The following WFIKKN2 variants were observed in gnomAD, a reference collection of about 807,000 sequenced individuals.
WFIKKN2 encodes WAP, follistatin/kazal, immunoglobulin, kunitz and netrin domain containing 2.
A neutral mutation model predicts 39.2 loss-of-function variants in WFIKKN2; 25 were observed. That is an observed-to-expected ratio of 0.64 (90% CI 0.47 to 0.89). WFIKKN2 has a LOEUF of 0.89. Ranked by LOEUF, WFIKKN2 falls within the 40% of genes least tolerant of loss-of-function variation. WFIKKN2 has a pLI of 0.00. For missense variants in WFIKKN2, 770 were observed against 811.7 expected, an observed-to-expected ratio of 0.95 and a Z score of 0.62; for synonymous variants, 345 against 329.7, an observed-to-expected ratio of 1.05 and a Z score of -0.50.
chr17:50,835,431 C>T (rs151120367), upstream of WFIKKN2: 668 of 154,222 alleles, frequency 4.3e-3, 6 homozygotes, highest in African/African-American at 0.015. Flanking sequence ...CCCCGCAAAG[C>T]ACATGCCATT....
chr17:50,839,848 C>T lies in WFIKKN2; in HGVS notation c.560C>T (p.Pro187Leu). 1 of 1,614,210 alleles carries T rather than the reference C, an allele frequency of 6.2e-7. No homozygotes were observed. Among genetic ancestry groups the T allele is most frequent in the East Asian group, 2.2e-5 (1 of 44,876 alleles). The change falls in exon 2 of 2, where the codon CCA (proline) becomes CTA (leucine). Residue 187 changes from proline (P) to leucine (L), a missense_variant. Physicochemically the swap from Pro to Leu is moderately conservative, Grantham distance 98 (BLOSUM62 -3). Transcript: ENST00000311378. ...TTCACCTGGCCCAACACCAGCCCCC[C>T]ACCACCTGAGACCACCATGCACCCC... ...YHFTWPNTSP[P>L]PPETTMHPTT...
Position 50,839,982 on chromosome 17 carries a change from G to A in WFIKKN2, c.694G>A (p.Asp232Asn), listed in dbSNP as rs770248381. 5 of 1,614,170 alleles carry A rather than the reference G, an allele frequency of 3.1e-6. No homozygotes were observed. The East Asian group carries it at 8.9e-5, about 29-fold the overall frequency. The change falls in exon 2 of 2, where the codon GAT (aspartate) becomes AAT (asparagine). Residue 232 changes from aspartate to asparagine, a missense_variant. By Grantham distance (23) the Asp-to-Asn change is conservative (BLOSUM62 1). Transcript: ENST00000311378. ...GGGTGAGACAGTGAGCTTCCTCTGT[G>A]ATGTGGTGGGCCGGCCCCGGCCTGA... ...TMGETVSFLC[D>N]VVGRPRPEIT...
In WFIKKN2 at chr17:50,836,096, C is replaced by T. The variant is rs1971953400; in HGVS notation, c.159C>T (p.Asn53=). 1.2e-6 allele frequency: 2 copies of T among 1,612,796 alleles called. No homozygotes were observed. Among genetic ancestry groups the T allele is most frequent in the Non-Finnish European group, 1.7e-6 (2 of 1,179,476 alleles). The change falls in exon 1 of 2, where the codon AAC becomes AAT. Residue 53 remains asparagine (N), a synonymous_variant. Coordinates refer to ENST00000311378, the MANE Select transcript of WFIKKN2 (RefSeq NM_175575.6). ...AGICPNDMNP[N]LWVDAQSTCR... is the part of the protein sequence containing the mutation. ...TCTGCCCCAACGACATGAATCCCAACCTCTGGGTGGACGCACAGAGCACCT... is the reference window on the plus strand; with the variant it reads ...TCTGCCCCAACGACATGAATCCCAATCTCTGGGTGGACGCACAGAGCACCT...
chr17:50,837,329 A>C (rs1971972337), intron 1 of WFIKKN2, among the ~76,000 whole-genome samples: 1 of 152,136 alleles, frequency 6.6e-6, no homozygotes, highest in African/African-American at 2.4e-5. Flanking sequence ...CTCTGAATGG[A>C]TCTCTGGTGT....
chr17:50,836,229 G>T, intron 1 of WFIKKN2, 82 bp downstream of exon 1: 1 of 1,494,928 alleles, frequency 6.7e-7, no homozygotes, highest in Admixed American at 1.9e-5. Flanking sequence ...GGGACTGTGT[G>T]GGAGTGTGAG....
Position 50,840,665 on chromosome 17 carries a change from T to C in WFIKKN2, c.1377T>C (p.Cys459=), listed in dbSNP as rs1195060375. ...GGCAGAAGCTCGTTACCAGCTTCTG[T>C]CGCAGCGACTTTGTCATCCTGGGCC... ...KPRQKLVTSF[C]RSDFVILGRV... The change falls in exon 2 of 2, where the codon TGT becomes TGC. Residue 459 remains cysteine (C), a synonymous_variant. Coordinates refer to ENST00000311378, the MANE Select transcript of WFIKKN2 (RefSeq NM_175575.6). The C allele has an allele frequency of 3.1e-6, 5 of 1,613,792 alleles. No homozygotes were observed. Among genetic ancestry groups the C allele is most frequent in the Non-Finnish European group, 4.2e-6 (5 of 1,179,994 alleles).
rs768901096 is a variant in WFIKKN2, at chr17:50,841,060, A to T, written c.*41A>T. The T allele has an allele frequency of 2.6e-5, 36 of 1,410,832 alleles. No homozygotes were observed. In the Admixed American group the frequency reaches 2.7e-4, roughly 11 times the overall value. The allele number at this position is 1,410,832 out of a possible 1,614,324, so 87.4% of individuals were successfully genotyped here. A position where few individuals can be genotyped will look rare whatever the true frequency, so the allele number is the denominator to read the frequency against. On this transcript the variant is annotated 3_prime_UTR_variant, in exon 2 of 2. Transcript: ENST00000311378. Reference sequence around the variant, plus strand: ...CCTGCCCCCTCCCTGGCCTTCTTCCACCTATCCACCCCAATGCCTCTCAGC... The same window carrying T: ...CCTGCCCCCTCCCTGGCCTTCTTCCTCCTATCCACCCCAATGCCTCTCAGC...
chr17:50,838,748 AC>A (rs975544294), intron 1 of WFIKKN2, among the ~76,000 whole-genome samples: 10 of 152,086 alleles, frequency 6.6e-5, no homozygotes, highest in Non-Finnish European at 1.5e-5. Flanking sequence ...TGGCTCTGAG[AC>A]CTGGCGTGTG....
At chr17:50,836,922 T>A (rs572600820) in intron 1 of WFIKKN2, among the ~76,000 whole-genome samples, 13 of 152,308 alleles carry the variant, frequency 8.5e-5, no homozygotes, top group African/African-American at 3.1e-4. Flanking sequence ...ACAGGCCCCG[T>A]TCACCTGGAG....
chr17:50,841,277 G>T lies in WFIKKN2; in HGVS notation c.*258G>T. The T allele has an allele frequency of 2.7e-6, 1 of 376,074 alleles. No individual in the cohort carries two copies. The highest frequency in any genetic ancestry group is 4.8e-6 in the Non-Finnish European group (1 of 209,348). 23.3% of individuals were successfully genotyped at this position (376,074 alleles called of 1,614,324 possible). ...ACATGGAAGTTACTCGTGACCACCA[G>T]CTTGCTCAGATATTCTCCTCCTCCC... On this transcript the variant is annotated 3_prime_UTR_variant, in exon 2 of 2. Coordinates refer to ENST00000311378, the MANE Select transcript of WFIKKN2 (RefSeq NM_175575.6).
intron 1 of WFIKKN2, among the ~76,000 whole-genome samples, chr17:50,838,691 C>G (rs7207028): frequency 0.58 from 88,610 of 152,072 alleles, 26,909 homozygotes; most frequent in Non-Finnish European, 0.69. Context: ...TTGCTTTTCC[C>G]GTGAAAGGTC....
intron 1 of WFIKKN2, among the ~76,000 whole-genome samples, chr17:50,837,048 G>T (rs1971969011): frequency 6.6e-6 from 1 of 152,206 alleles, no homozygotes; most frequent in African/African-American, 2.4e-5. Flanking sequence ...CGTGCTGAGG[G>T]CTACTGTGGC....
chr17:50,840,919 G>C lies in WFIKKN2; in HGVS notation c.1631G>C (p.Ser544Thr). 1 of 1,603,604 alleles carries C rather than the reference G, an allele frequency of 6.2e-7. No homozygotes were observed. Among genetic ancestry groups the C allele is most frequent in the Admixed American group, 1.7e-5 (1 of 59,736 alleles). Reference protein sequence around the residue: ...DGGMAMLRPDSFVGASSARRV... With the variant: ...DGGMAMLRPDTFVGASSARRV... The stretch of plus-strand genomic sequence containing the variant: ...GGCATGGCCATGCTGCGCCCCGATA[G>C]CTTTGTGGGCGCATCGAGTGCCCGC... Residue 544 changes from serine to threonine, a missense_variant, in exon 2 of 2, where the codon AGC becomes ACC. Coordinates refer to ENST00000311378, the MANE Select transcript of WFIKKN2 (RefSeq NM_175575.6).
chr17:50,839,207 G>A (rs1001237667), intron 1 of WFIKKN2, among the ~76,000 whole-genome samples: 22 of 152,282 alleles, frequency 1.4e-4, no homozygotes, highest in South Asian at 2.1e-4. Flanking sequence ...GTGACCTTGG[G>A]AAAGTTACTT....
chr17:50,837,963 G>A (rs1971980843), intron 1 of WFIKKN2, among the ~76,000 whole-genome samples: 1 of 152,184 alleles, frequency 6.6e-6, no homozygotes, highest in Non-Finnish European at 1.5e-5. Flanking sequence ...AGCCCTTGGG[G>A]ACATTCTGGC....
upstream of WFIKKN2, chr17:50,834,763 TACC>T (rs1164032756): frequency 3.9e-5 from 6 of 152,328 alleles, no homozygotes; most frequent in Non-Finnish European, 1.5e-5. Flanking sequence ...TGGCAGCTGG[TACC>T]ACCAGGACTG....
Position 50,840,752 on chromosome 17 carries a change from C to A in WFIKKN2, c.1464C>A (p.Val488=). The part of the protein sequence containing the change: ...SGRALVTVDE[V]LKDEKMGLKF... ...GCGCCCTGGTGACTGTGGATGAGGT[C>A]CTAAAGGATGAGAAAATGGGCCTCA... Residue 488 remains valine (V), a synonymous_variant, in exon 2 of 2, where the codon GTC becomes GTA. Transcript: ENST00000311378. 6.2e-7 allele frequency: 1 copy of A among 1,614,034 alleles called. No individual in the cohort carries two copies. Among genetic ancestry groups the A allele is most frequent in the Non-Finnish European group, 8.5e-7 (1 of 1,180,016 alleles).
In WFIKKN2 at chr17:50,840,209, T is replaced by C; in HGVS notation, c.921T>C (p.Gly307=). 2 of 1,613,122 alleles carry C rather than the reference T, an allele frequency of 1.2e-6. No homozygotes were observed. The highest frequency in any genetic ancestry group is 1.7e-6 in the Non-Finnish European group (2 of 1,179,876). The change falls in exon 2 of 2, where the codon GGT becomes GGC. Residue 307 remains glycine (G), a synonymous_variant. Transcript: ENST00000311378. ...RADFPLSVVR[G]HQAAATSESS... is the part of the protein sequence containing the mutation. Reference sequence around the variant, plus strand: ...ATTTCCCGCTGTCGGTGGTCAGGGGTCATCAGGCTGCAGCCACCTCAGAGA... The same window carrying C: ...ATTTCCCGCTGTCGGTGGTCAGGGGCCATCAGGCTGCAGCCACCTCAGAGA...
chr17:50,840,461 G>A lies in WFIKKN2; in HGVS notation c.1173G>A (p.Leu391=). Residue 391 remains leucine, a synonymous_variant, in exon 2 of 2, where the codon CTG becomes CTA. Coordinates refer to ENST00000311378, the MANE Select transcript of WFIKKN2 (RefSeq NM_175575.6). ...TGGCCGCGTGCAGCCTGCCCGCCCTGCAGGGGCCCTGCAAAGCCTACGCGC... is the reference window on the plus strand; with the variant it reads ...TGGCCGCGTGCAGCCTGCCCGCCCTACAGGGGCCCTGCAAAGCCTACGCGC... ...GPLAACSLPA[L]QGPCKAYAPR... 6.2e-7 allele frequency: 1 copy of A among 1,613,808 alleles called. No individual in the cohort carries two copies. The highest frequency in any genetic ancestry group is 8.5e-7 in the Non-Finnish European group (1 of 1,179,932).
Sources: gnomAD v4.1 joint callset for allele counts (sites outside exome capture counted in the v4.1 genomes callset) on GRCh38, gnomAD v4.1.1 for gene constraint, MANE v1.5 for transcripts, NCBI Gene and HGNC (gene_info 2026-07-23, HGNC 2026-07-21) for gene names.